The following SERPINA9 variants were observed in gnomAD, a reference collection of about 807,000 sequenced individuals.
The protein encoded by SERPINA9 is serpin family A member 9, also known as serpin A9.
In SERPINA9, 32 loss-of-function variants were observed where a neutral mutation model predicts 24.5. That is an observed-to-expected ratio of 1.30 (90% CI 0.98 to 1.75). The LOEUF (loss-of-function observed/expected upper bound fraction) is 1.75. Among genes scored for constraint, SERPINA9 ranks in the 40% most tolerant of loss-of-function variants. SERPINA9 has a pLI of 0.00. For synonymous variants in SERPINA9, 233 were observed against 197.7 expected (o/e 1.18, Z -1.50); for missense variants, 594 against 497.1 (o/e 1.19, Z -1.85).
At chr14:94,469,989 T>G (rs1031390228) in intron 1 of SERPINA9, 132 bp from the exon 2 acceptor site, 1 of 750,768 alleles carries the variant, frequency 1.3e-6, no homozygotes, top group African/African-American at 1.7e-5. Flanking sequence ...CTCTCTCACA[T>G]AATCTCTGAG....
In SERPINA9 at chr14:94,467,448, T is replaced by G. The variant is rs151322755; in HGVS notation, c.629-66A>C. On this transcript the variant is annotated intron_variant, in intron 2 of 4. Coordinates refer to ENST00000674397, the MANE Select transcript of SERPINA9 (RefSeq NM_175739.4). ...AATTAGTGAGGCAAAGACAGCAAAC[T>G]GAAATGGGGAATTACTTCTAGTGGG... is the stretch of plus-strand genomic sequence containing the variant. The G allele has an allele frequency of 1.2e-4, 171 of 1,418,514 alleles. 1 individual carries two copies. The African/African-American group carries it at 2.1e-3, about 17-fold the overall frequency. The allele number at this position is 1,418,514 out of a possible 1,614,324, so 87.9% of individuals were successfully genotyped here.
At chr14:94,471,770 A>C (rs1015740829) in intron 1 of SERPINA9, among the ~76,000 whole-genome samples, 1 of 151,840 alleles carries the variant, frequency 6.6e-6, no homozygotes, top group Non-Finnish European at 1.5e-5. Context: ...CATTTTACCC[A>C]TGCTGCCATC....
intron 3 of SERPINA9, among the ~76,000 whole-genome samples, chr14:94,465,822 G>A (rs556550531): frequency 1.2e-4 from 19 of 152,254 alleles, no homozygotes; most frequent in African/African-American, 4.6e-4. Context: ...AGTCCAGCCT[G>A]AACATTTATT....
chr14:94,468,608 G>A (rs1899135160), intron 2 of SERPINA9, among the ~76,000 whole-genome samples: 1 of 152,202 alleles, frequency 6.6e-6, no homozygotes, highest in Non-Finnish European at 1.5e-5. Flanking sequence ...GTATGGGGTA[G>A]AGGTGAAATT....
chr14:94,475,839 T>C (rs569549976), intron 1 of SERPINA9: 2 of 482,254 alleles, frequency 4.1e-6, no homozygotes, highest in South Asian at 4.1e-5. Flanking sequence ...TCTCATTTGC[T>C]TCTAGCAGCT....
rs376804398 is a variant in SERPINA9 at position 94,470,721 on chromosome 14, G to A, written c.-17-864C>T. Among the ~76,000 whole-genome samples the A allele has an allele frequency of 7.2e-5, 11 of 152,338 alleles. No individual in the cohort carries two copies. The South Asian group carries it at 2.3e-3, about 32-fold the overall frequency. On this transcript the variant is annotated intron_variant, in intron 1 of 4. Transcript: ENST00000674397. ...TGTGCAGCACGGGACCCAGCACATG[G>A]TGAGCGCTGAATACATTACTTTTAC...
In SERPINA9 at chr14:94,475,033, C is replaced by T. The variant is rs77557024; in HGVS notation, c.-18+1103G>A. On this transcript the variant is annotated intron_variant, in intron 1 of 4. Coordinates refer to ENST00000674397, the MANE Select transcript of SERPINA9 (RefSeq NM_175739.4). ...CTTTGAGGACCCAGCTGTTTGCATT[C>T]CTCAATTCCACCCCATCCCCTATCT... Among the ~76,000 whole-genome samples the T allele has an allele frequency of 3.4e-3, 522 of 152,290 alleles. 11 individuals carry two copies. In the East Asian group the frequency reaches 0.054, roughly 16 times the overall value.
chr14:94,475,769 C>T (rs184623347), intron 1 of SERPINA9, among the ~76,000 whole-genome samples: 1 of 152,294 alleles, frequency 6.6e-6, no homozygotes, highest in Admixed American at 6.5e-5. Flanking sequence ...CTGTTCAAGT[C>T]TTGCTCGTTA....
At position 94,462,764 on chromosome 14, in the gene SERPINA9, G is replaced by A; in HGVS notation, c.*329C>T. The A allele has an allele frequency of 3.2e-6, 1 of 308,764 alleles. No individual in the cohort carries two copies. The highest frequency in any genetic ancestry group is 3.7e-5 in the South Asian group (1 of 27,386). 19.1% of individuals were successfully genotyped at this position (308,764 alleles called of 1,614,324 possible). A position where few individuals can be genotyped will look rare whatever the true frequency, so the allele number is the denominator to read the frequency against. ...TTTTAGTTTTATTGAATGTGTTATTGTAATTCTGCAATAGAGGTGCCTAAC... is the reference window on the plus strand; with the variant it reads ...TTTTAGTTTTATTGAATGTGTTATTATAATTCTGCAATAGAGGTGCCTAAC... On this transcript the variant is annotated 3_prime_UTR_variant, in exon 5 of 5. Coordinates refer to ENST00000674397, the MANE Select transcript of SERPINA9 (RefSeq NM_175739.4).
chr14:94,471,914 C>G (rs1320886806), intron 1 of SERPINA9, among the ~76,000 whole-genome samples: 3 of 152,134 alleles, frequency 2.0e-5, no homozygotes, highest in African/African-American at 4.8e-5. Flanking sequence ...CCAAACCCTC[C>G]TTATCTCTCC....
chr14:94,463,270 G>A lies in SERPINA9; in HGVS notation c.1077C>T (p.Val359=). 2 of 1,614,138 alleles carry A rather than the reference G, an allele frequency of 1.2e-6. No homozygotes were observed. The highest frequency in any genetic ancestry group is 1.7e-6 in the Non-Finnish European group (2 of 1,180,016). The part of the protein sequence containing the change: ...SKATHKAVLD[V]SEEGTEATAA... ...CTGTGGCCTCAGTGCCCTCTTCACTGACATCCAGCACAGCCTTGTGGGTTG... is the reference window on the plus strand; with the variant it reads ...CTGTGGCCTCAGTGCCCTCTTCACTAACATCCAGCACAGCCTTGTGGGTTG... The change falls in exon 5 of 5, where the codon GTC becomes GTT. Residue 359 remains valine, a synonymous_variant. Coordinates refer to ENST00000674397, the MANE Select transcript of SERPINA9 (RefSeq NM_175739.4).
intron 1 of SERPINA9, among the ~76,000 whole-genome samples, chr14:94,475,405 T>A (rs954105169): frequency 1.3e-5 from 2 of 148,648 alleles, no homozygotes; most frequent in Non-Finnish European, 3.0e-5. Context: ...TACATATGCA[T>A]GTGTGCCTAC....
In SERPINA9 at chr14:94,462,812, C is replaced by T. The variant is rs2295653; in HGVS notation, c.*281G>A. On this transcript the variant is annotated 3_prime_UTR_variant, in exon 5 of 5. Transcript: ENST00000674397. Reference sequence around the variant, plus strand: ...AACCTGGGTTGGCGTATTTCCATTCCTGGGAGCCCCAAGGAATGGAAATAT... The same window carrying T: ...AACCTGGGTTGGCGTATTTCCATTCTTGGGAGCCCCAAGGAATGGAAATAT... 0.46 allele frequency: 182,532 copies of T among 398,178 alleles called. 45,071 individuals carry two copies. Among genetic ancestry groups the T allele is most frequent in the Middle Eastern group, 0.54 (728 of 1,360 alleles). The allele number at this position is 398,178 out of a possible 1,614,324, so 24.7% of individuals were successfully genotyped here.
chr14:94,464,375 G>A (rs1898893583), intron 4 of SERPINA9: 1 of 396,196 alleles, frequency 2.5e-6, no homozygotes, highest in Non-Finnish European at 4.5e-6. Context: ...CCTATGGGCA[G>A]CCACACTGTG....
At chr14:94,473,563 G>C (rs1199496076) in intron 1 of SERPINA9, among the ~76,000 whole-genome samples, 1 of 151,352 alleles carries the variant, frequency 6.6e-6, no homozygotes, top group Admixed American at 6.6e-5. Flanking sequence ...AAAAACCAGG[G>C]AGGTGAAATG....
chr14:94,470,291 A>G (rs1899249136), intron 1 of SERPINA9: 6 of 786,950 alleles, frequency 7.6e-6, no homozygotes, highest in Non-Finnish European at 9.3e-6. Flanking sequence ...CATTTTGTGT[A>G]GATCTGATTA....
At chr14:94,475,952 C>T (rs556919706) in intron 1 of SERPINA9, 184 bp downstream of exon 1, 17 of 775,438 alleles carry the variant, frequency 2.2e-5, no homozygotes, top group African/African-American at 5.2e-5. Flanking sequence ...TCCACTCCAG[C>T]CTGGCTTCTG....
chr14:94,475,472 C>A (rs541664766), intron 1 of SERPINA9, among the ~76,000 whole-genome samples: 4 of 152,064 alleles, frequency 2.6e-5, no homozygotes, highest in South Asian at 4.2e-4. Context: ...ACTGAGCAGA[C>A]AACCTTGCCT....
At chr14:94,468,204 G>A (rs1488394509) in intron 2 of SERPINA9, among the ~76,000 whole-genome samples, 1 of 152,180 alleles carries the variant, frequency 6.6e-6, no homozygotes, top group African/African-American at 2.4e-5. Flanking sequence ...ATGGATGCAT[G>A]GATGGATGGA....
Sources: gnomAD v4.1 joint callset for allele counts (sites outside exome capture counted in the v4.1 genomes callset) on GRCh38, gnomAD v4.1.1 for gene constraint, MANE v1.5 for transcripts, NCBI Gene and HGNC (gene_info 2026-07-23, HGNC 2026-07-21) for gene names.